LOXHD1: variants seen among roughly 807,000 people sequenced by gnomAD.
The protein encoded by LOXHD1 is lipoxygenase homology domain-containing protein 1.
In LOXHD1, 205 loss-of-function variants were observed where a neutral mutation model predicts 248.2. The observed-to-expected ratio is 0.83, with a 90% CI of 0.74 to 0.93. The LOEUF (loss-of-function observed/expected upper bound fraction) is 0.93. Ranked by LOEUF, LOXHD1 falls within the 40% of genes least tolerant of loss-of-function variation. The probability of loss-of-function intolerance (pLI) is 0.00; values close to 1 mark genes in which losing one functional copy is unlikely to be tolerated. For missense variants in LOXHD1, 2,930 were observed against 2,971.6 expected (o/e 0.99, Z 0.33); for synonymous variants, 1,113 against 1,162.8 (o/e 0.96, Z 0.87).
chr18:46,521,279 C>T lies in LOXHD1; in HGVS notation c.5089G>A (p.Gly1697Ser), dbSNP rs876657853. The T allele has an allele frequency of 5.8e-6, 9 of 1,551,550 alleles. No individual in the cohort carries two copies. The highest frequency in any genetic ancestry group is 7.8e-6 in the Non-Finnish European group (9 of 1,147,000). Residue 1697 changes from glycine (G) to serine (S), a missense_variant, in exon 33 of 41, where the codon GGC (glycine) becomes AGC (serine). By Grantham distance (56) the Gly-to-Ser change is moderately conservative (BLOSUM62 0). Transcript: ENST00000642948. Reference protein sequence around the residue: ...DVGIIKKIELGHDGASPESCW... With the variant: ...DVGIIKKIELSHDGASPESCW... ...CTCTCAGGGGAGGCCCCGTCATGGC[C>T]CAGCTAGGAGGAGACACACCTGATC... is the stretch of plus-strand genomic sequence containing the variant.
intron 12 of LOXHD1, among the ~76,000 whole-genome samples, chr18:46,591,221 G>A (rs1459997961): frequency 6.6e-6 from 1 of 152,060 alleles, no homozygotes; most frequent in African/African-American, 2.4e-5. Flanking sequence ...AAAATTTAAG[G>A]ACTGCCACAA....
At chr18:46,619,622 C>G (rs1245240134) in intron 4 of LOXHD1, among the ~76,000 whole-genome samples, 2 of 152,316 alleles carry the variant, frequency 1.3e-5, no homozygotes, top group East Asian at 3.9e-4. Flanking sequence ...TTCAAAGTCT[C>G]CAGGAAGTTG....
At position 46,639,560 on chromosome 18, in the gene LOXHD1, G is replaced by C; in HGVS notation, c.511+56C>G. On this transcript the variant is annotated intron_variant, in intron 4 of 40. Transcript: ENST00000642948. Reference sequence around the variant, plus strand: ...AGCAAGACAGGCACGATTCTTTCCTGGGTGAGCCCAGCCCAGCTAGGGAGG... The same window carrying C: ...AGCAAGACAGGCACGATTCTTTCCTCGGTGAGCCCAGCCCAGCTAGGGAGG... 6 of 1,512,068 alleles carry C rather than the reference G, an allele frequency of 4.0e-6. No homozygotes were observed. The Middle Eastern group carries it at 1.1e-3, about 281-fold the overall frequency. The allele number at this position is 1,512,068 out of a possible 1,614,324, so 93.7% of individuals were successfully genotyped here.
chr18:46,522,014 C>A, intron 32 of LOXHD1, 87 bp downstream of exon 32: 4 of 927,694 alleles, frequency 4.3e-6, no homozygotes, highest in Non-Finnish European at 3.2e-6. Flanking sequence ...GTTCTTCCCA[C>A]CCTGCACTCT....
At chr18:46,585,517 C>T (rs930252969) in intron 12 of LOXHD1, among the ~76,000 whole-genome samples, 1 of 151,978 alleles carries the variant, frequency 6.6e-6, no homozygotes, top group African/African-American at 2.4e-5. Flanking sequence ...CTGGAAACCA[C>T]AAAATATTTT....
intron 31 of LOXHD1, among the ~76,000 whole-genome samples, chr18:46,523,933 T>G (rs190429521): frequency 4.6e-5 from 7 of 152,222 alleles, no homozygotes; most frequent in African/African-American, 1.7e-4. Flanking sequence ...ATGAAAGTAG[T>G]GCATTCAAAT....
At chr18:46,562,964 T>C in intron 18 of LOXHD1, 101 bp downstream of exon 18, 4 of 1,362,308 alleles carry the variant, frequency 2.9e-6, no homozygotes, top group Non-Finnish European at 3.9e-6. Flanking sequence ...AGGCAGCCCA[T>C]TCTCGGGTGA....
chr18:46,490,994 G>C (rs955966407), intron 37 of LOXHD1, among the ~76,000 whole-genome samples: 4 of 152,230 alleles, frequency 2.6e-5, no homozygotes, highest in Admixed American at 6.5e-5. Context: ...AAATGAGGCA[G>C]AGGAGACCTG....
At chr18:46,498,328 T>C (rs1036955620) in intron 37 of LOXHD1, among the ~76,000 whole-genome samples, 2 of 152,172 alleles carry the variant, frequency 1.3e-5, no homozygotes, top group Admixed American at 6.5e-5. Context: ...CAGTAGCAAA[T>C]CCTGAGGCAG....
At chr18:46,570,517 G>A (rs1381773868) in intron 15 of LOXHD1, among the ~76,000 whole-genome samples, 1 of 152,212 alleles carries the variant, frequency 6.6e-6, no homozygotes, top group Non-Finnish European at 1.5e-5. Context: ...AGACCTGCAG[G>A]TCTGCTCCAG....
At chr18:46,571,033 G>C (rs1288132756) in intron 15 of LOXHD1, among the ~76,000 whole-genome samples, 8 of 152,178 alleles carry the variant, frequency 5.3e-5, no homozygotes, top group Non-Finnish European at 1.0e-4. Context: ...TGGGGTTGTG[G>C]AGGGGGAATA....
chr18:46,520,507 C>T (rs75572674), intron 33 of LOXHD1: 27,955 of 347,482 alleles, frequency 0.08, 1,295 homozygotes, highest in Non-Finnish European at 0.1. Flanking sequence ...CTGGCCTGAC[C>T]TGTGCGTTTA....
At chr18:46,545,574 T>A (rs2036767860) in intron 22 of LOXHD1, among the ~76,000 whole-genome samples, 153 bp from the exon 23 acceptor site, 1 of 151,524 alleles carries the variant, frequency 6.6e-6, no homozygotes, top group Non-Finnish European at 1.5e-5. Context: ...ATCCTGTATC[T>A]GTGAGCCCAG....
intron 12 of LOXHD1, among the ~76,000 whole-genome samples, 181 bp from the exon 13 acceptor site, chr18:46,579,965 C>T (rs1314974643): frequency 6.6e-6 from 1 of 152,248 alleles, no homozygotes; most frequent in African/African-American, 2.4e-5. Flanking sequence ...TGAGTCATCC[C>T]CAAGTCTCTT....
chr18:46,506,295 A>G (rs2034567725), intron 36 of LOXHD1, among the ~76,000 whole-genome samples: 1 of 152,186 alleles, frequency 6.6e-6, no homozygotes, highest in African/African-American at 2.4e-5. Context: ...AAACTCATCT[A>G]TTTCTGGGGA....
chr18:46,617,738 C>A (rs1264918119), intron 5 of LOXHD1, among the ~76,000 whole-genome samples: 1 of 152,186 alleles, frequency 6.6e-6, no homozygotes, highest in East Asian at 1.9e-4. Flanking sequence ...GCTCTCAGTT[C>A]TTGCTTTCCC....
At chr18:46,488,515 T>C (rs2033228689) in intron 38 of LOXHD1, among the ~76,000 whole-genome samples, 1 of 152,170 alleles carries the variant, frequency 6.6e-6, no homozygotes, top group South Asian at 2.1e-4. Flanking sequence ...GGCCATCCCC[T>C]CAGGATCAAT....
At chr18:46,641,297 C>T (rs1294813356) in intron 3 of LOXHD1, among the ~76,000 whole-genome samples, 1 of 152,194 alleles carries the variant, frequency 6.6e-6, no homozygotes, top group African/African-American at 2.4e-5. Context: ...CACAAATGAA[C>T]ATCTGACAAT....
intron 26 of LOXHD1, 50 bp from the exon 27 acceptor site, chr18:46,534,501 G>T: frequency 7.1e-7 from 1 of 1,416,550 alleles, no homozygotes; most frequent in Non-Finnish European, 9.8e-7. Flanking sequence ...ATCCAGGAAA[G>T]TATGGCCTTG....
Sources: gnomAD v4.1 joint callset for allele counts (sites outside exome capture counted in the v4.1 genomes callset) on GRCh38, gnomAD v4.1.1 for gene constraint, MANE v1.5 for transcripts, NCBI Gene and HGNC (gene_info 2026-07-23, HGNC 2026-07-21) for gene names.